Variants in KHDRBS3 observed in about 807,000 individuals in gnomAD.
The protein encoded by KHDRBS3 is KH RNA binding domain containing, signal transduction associated 3, also known as KH domain-containing, RNA-binding, signal transduction-associated protein 3.
KHDRBS3 carries 23 observed loss-of-function variants against 45.6 expected under a neutral mutation model. That is an observed-to-expected ratio of 0.50 (90% confidence interval 0.36 to 0.72). KHDRBS3 has a LOEUF of 0.72. Among genes scored for constraint, KHDRBS3 ranks in the 30% least tolerant of loss-of-function variants. KHDRBS3 has a pLI of 0.00. For missense variants in KHDRBS3, 352 were observed against 424.8 expected, an observed-to-expected ratio of 0.83 and a Z score of 1.51; for synonymous variants, 162 against 156.5, an observed-to-expected ratio of 1.04 and a Z score of -0.26.
chr8:135,496,469 G>A (rs1358522987), intron 1 of KHDRBS3, among the ~76,000 whole-genome samples: 2 of 151,982 alleles, frequency 1.3e-5, no homozygotes, highest in Admixed American at 6.6e-5. Context: ...CTGACCTCAG[G>A]TGACCCTCCC....
chr8:135,547,402 T>C (rs1227384818), intron 3 of KHDRBS3, among the ~76,000 whole-genome samples: 1 of 152,168 alleles, frequency 6.6e-6, no homozygotes, highest in African/African-American at 2.4e-5. Context: ...GTATTCTCAG[T>C]AGTTCTGCAT....
intron 7 of KHDRBS3, among the ~76,000 whole-genome samples, chr8:135,621,917 A>G (rs7833822): frequency 0.18 from 27,220 of 151,750 alleles, 3,773 homozygotes; most frequent in East Asian, 0.53. Context: ...GTTTTTATCA[A>G]TGAAGGTGCT....
rs558380873 is a variant in KHDRBS3, at chr8:135,555,341, C to T, written c.472-2107C>T. 5.9e-5 allele frequency among the ~76,000 whole-genome samples: 9 copies of T among 152,130 alleles called. No homozygotes were observed. The South Asian group carries it at 6.2e-4, about 11-fold the overall frequency. ...CTTTGAATGTGGCCCAGCACAAATC[C>T]GTAAACTCTCTTAAAATATTGAAAC... On this transcript the variant is annotated intron_variant, in intron 4 of 8. Transcript: ENST00000355849.
At chr8:135,599,887 G>A (rs1303466149) in intron 6 of KHDRBS3, among the ~76,000 whole-genome samples, 1 of 152,200 alleles carries the variant, frequency 6.6e-6, no homozygotes, top group Non-Finnish European at 1.5e-5. Flanking sequence ...CGTCACGCAG[G>A]TGCTGAAGCA....
chr8:135,565,388 G>C (rs1827365545), intron 5 of KHDRBS3, among the ~76,000 whole-genome samples: 1 of 152,124 alleles, frequency 6.6e-6, no homozygotes, highest in Admixed American at 6.5e-5. Context: ...TTAATTCCTT[G>C]TCTGCTAATT....
In KHDRBS3 at chr8:135,566,723, G is replaced by A. The variant is rs769316951; in HGVS notation, c.611+9136G>A. Among the ~76,000 whole-genome samples, 106 of 152,100 alleles carry A rather than the reference G, an allele frequency of 7.0e-4. 1 individual carries two copies. Among genetic ancestry groups the A allele is most frequent in the Non-Finnish European group, 1.3e-3 (91 of 68,012 alleles). ...AAAAGTTAAAAATTAAAAATCAGCCGAGTGTGGTGGCACATGCCTATAGTC... is the reference window on the plus strand; with the variant it reads ...AAAAGTTAAAAATTAAAAATCAGCCAAGTGTGGTGGCACATGCCTATAGTC... On this transcript the variant is annotated intron_variant, in intron 5 of 8. Transcript: ENST00000355849.
At chr8:135,481,869 A>C (rs1323595467) in intron 1 of KHDRBS3, among the ~76,000 whole-genome samples, 1 of 152,198 alleles carries the variant, frequency 6.6e-6, no homozygotes, top group Non-Finnish European at 1.5e-5. Context: ...GAAGATACCA[A>C]GTAGAAAGCA....
chr8:135,584,746 T>G (rs1237731555), intron 6 of KHDRBS3, among the ~76,000 whole-genome samples: 1 of 152,142 alleles, frequency 6.6e-6, no homozygotes, highest in East Asian at 1.9e-4. Flanking sequence ...CCGTTTGACC[T>G]CATCTTCCTC....
intron 5 of KHDRBS3, among the ~76,000 whole-genome samples, chr8:135,578,770 T>A (rs916654208): frequency 7.2e-5 from 11 of 152,206 alleles, no homozygotes; most frequent in African/African-American, 2.7e-4. Context: ...TTGCTGAGAT[T>A]TTGATTAGGA....
intron 5 of KHDRBS3, among the ~76,000 whole-genome samples, chr8:135,571,246 G>C (rs1484781471): frequency 6.6e-6 from 1 of 151,930 alleles, no homozygotes. Flanking sequence ...GTTTAAACAA[G>C]ATCCACTAAT....
chr8:135,632,886 A>G (rs1341249166), intron 7 of KHDRBS3, among the ~76,000 whole-genome samples: 1 of 152,104 alleles, frequency 6.6e-6, no homozygotes, highest in African/African-American at 2.4e-5. Context: ...AGAACTTGAC[A>G]TTTGATGGTC....
intron 5 of KHDRBS3, among the ~76,000 whole-genome samples, chr8:135,563,197 A>G (rs922199944): frequency 2.0e-5 from 3 of 152,136 alleles, no homozygotes; most frequent in African/African-American, 4.8e-5. Flanking sequence ...ATAATCCAGC[A>G]CTTGGCACTC....
chr8:135,532,410 G>A (rs1016934783), intron 2 of KHDRBS3, among the ~76,000 whole-genome samples: 4 of 152,182 alleles, frequency 2.6e-5, no homozygotes, highest in African/African-American at 7.2e-5. Context: ...AACTAAAGAT[G>A]TTCTTTGAAA....
intron 1 of KHDRBS3, among the ~76,000 whole-genome samples, chr8:135,473,578 T>C (rs1311521710): frequency 6.6e-6 from 1 of 152,168 alleles, no homozygotes; most frequent in African/African-American, 2.4e-5. Flanking sequence ...GATGTATAAA[T>C]TGCCGGATTT....
chr8:135,647,142 AGT>A lies in KHDRBS3; in HGVS notation c.*59_*60del. The A allele has an allele frequency of 1.3e-6, 1 of 776,968 alleles. No homozygotes were observed. Among genetic ancestry groups the A allele is most frequent in the Non-Finnish European group, 2.1e-6 (1 of 481,024 alleles). The allele number at this position is 776,968 out of a possible 1,614,324, so 48.1% of individuals were successfully genotyped here. A position where few individuals can be genotyped will look rare whatever the true frequency, so the allele number is the denominator to read the frequency against. On this transcript the variant is annotated 3_prime_UTR_variant, in exon 9 of 9. Coordinates refer to ENST00000355849, the MANE Select transcript of KHDRBS3 (RefSeq NM_006558.3). ...TCCACCAGTCCTGTATACTGTTCAA[AGT>A]AATTTTTTTCTATGAACAATCCCTT...
At position 135,457,954 on chromosome 8, in the gene KHDRBS3, G is replaced by C. The variant is rs191294793; in HGVS notation, c.88G>C (p.Glu30Gln). 1 of 1,592,034 alleles carries C rather than the reference G, an allele frequency of 6.3e-7. No homozygotes were observed. Among genetic ancestry groups the C allele is most frequent in the South Asian group, 1.1e-5 (1 of 88,080 alleles). ...FTHALRLVNQ[E>Q]IEKFQKGEGK... The stretch of plus-strand genomic sequence containing the variant: ...GCACGCCCTGCGCCTGGTGAACCAA[G>C]GTGAGGCGCCGGCCGTTAACTGCCG... The change falls in exon 1 of 9, where the codon GAA (glutamate) becomes CAA (glutamine). Residue 30 changes from glutamate to glutamine, a missense_variant and splice_region_variant. Transcript: ENST00000355849. The surrounding 1 kb of genome is among the most constrained non-coding windows in gnomAD (Gnocchi z 4.4).
At chr8:135,645,927 C>T (rs74700049) in intron 8 of KHDRBS3, among the ~76,000 whole-genome samples, 1,773 of 149,898 alleles carry the variant, frequency 0.012, 30 homozygotes, top group African/African-American at 0.039. Context: ...CATTTTCCGG[C>T]GTTAAACCTT....
intron 1 of KHDRBS3, among the ~76,000 whole-genome samples, chr8:135,479,678 G>A (rs1334768510): frequency 6.6e-6 from 1 of 152,100 alleles, no homozygotes; most frequent in African/African-American, 2.4e-5. Flanking sequence ...TATTCATGAG[G>A]GCAGAGCCCT....
chr8:135,534,078 T>TTG (rs1296724642), intron 2 of KHDRBS3, among the ~76,000 whole-genome samples: 1 of 152,022 alleles, frequency 6.6e-6, no homozygotes, highest in Non-Finnish European at 1.5e-5. Context: ...TGTCTATATC[T>TTG]TGTACTGTAT....
Sources: gnomAD v4.1 joint callset for allele counts (sites outside exome capture counted in the v4.1 genomes callset) on GRCh38, gnomAD v4.1.1 for gene constraint, Gnocchi (gnomAD v3.1) non-coding constraint, MANE v1.5 for transcripts, NCBI Gene and HGNC (gene_info 2026-07-23, HGNC 2026-07-21) for gene names.